The following PHF24 variants were observed in gnomAD, a reference collection of about 807,000 sequenced individuals.
PHF24 encodes the protein Galpha inhibitory interacting protein.
Under a neutral mutation model 42.6 loss-of-function variants are expected in PHF24, and 25 were observed. That is an observed-to-expected ratio of 0.59 (90% CI 0.43 to 0.82). The LOEUF (loss-of-function observed/expected upper bound fraction) is 0.82. Among genes scored for constraint, PHF24 ranks in the 40% least tolerant of loss-of-function variants. PHF24 has a pLI of 0.00. For synonymous variants in PHF24, 185 were observed against 204.8 expected (o/e 0.90, Z 0.83); for missense variants, 470 against 538.1 (o/e 0.87, Z 1.25).
chr9:34,719,239 A>G, the PHF24 span, among the ~76,000 whole-genome samples: 5 of 152,180 alleles, frequency 3.3e-5, no homozygotes, highest in East Asian at 5.8e-4. Context: ...GGGTTTCACT[A>G]CGTTGGCCAG....
the PHF24 span, among the ~76,000 whole-genome samples, chr9:34,774,370 A>G: frequency 5.3e-5 from 8 of 151,118 alleles, no homozygotes; most frequent in African/African-American, 1.5e-4. Flanking sequence ...GCTATCCAGA[A>G]TATATGAAGA....
chr9:34,826,734 C>G, the PHF24 span, among the ~76,000 whole-genome samples: 2 of 35,780 alleles, frequency 5.6e-5, no homozygotes, highest in African/African-American at 1.3e-4. Context: ...AGGTTGGGGC[C>G]ATTCACCATG....
chr9:34,887,927 G>T, the PHF24 span, among the ~76,000 whole-genome samples: 2 of 151,934 alleles, frequency 1.3e-5, no homozygotes, highest in Non-Finnish European at 2.9e-5. Context: ...ATGAAGAATG[G>T]GTGAAAGAAT....
the PHF24 span, chr9:34,917,071 G>C: frequency 1.4e-6 from 1 of 698,294 alleles, no homozygotes; most frequent in Non-Finnish European, 2.6e-6. Context: ...GAAGAGCGGA[G>C]CGTGTGAGCA....
At chr9:34,917,139 C>T in the PHF24 span, 69 of 979,130 alleles carry the variant, frequency 7.0e-5, no homozygotes, top group East Asian at 3.9e-4. Context: ...CTACCTTTAC[C>T]GGCCCGTCTG....
At chr9:34,961,779 CT>C (rs201194761) in intron 1 of PHF24, among the ~76,000 whole-genome samples, 1,552 of 152,294 alleles carry the variant, frequency 0.01, 32 homozygotes, top group African/African-American at 0.036. Context: ...TTTTGCCTTC[CT>C]TATGATAGTA....
the PHF24 span, among the ~76,000 whole-genome samples, chr9:34,874,061 G>C: frequency 2.6e-5 from 4 of 152,272 alleles, no homozygotes; most frequent in South Asian, 8.3e-4. Flanking sequence ...CTGAGACTTT[G>C]CTGAAGTTGC....
chr9:34,872,739 C>A, the PHF24 span, among the ~76,000 whole-genome samples: 1 of 149,810 alleles, frequency 6.7e-6, no homozygotes, highest in African/African-American at 2.5e-5. Context: ...GGATGGCTGG[C>A]TCAAATGGTA....
At chr9:34,716,550 GTTTGTTTTGTTTTGC>G in the PHF24 span, among the ~76,000 whole-genome samples, 1 of 138,186 alleles carries the variant, frequency 7.2e-6, no homozygotes, top group Non-Finnish European at 1.6e-5. Context: ...CTCCTTTTTT[GTTTGTTTTGTTTTGC>G]TTTGTTTTGT....
the PHF24 span, among the ~76,000 whole-genome samples, chr9:34,849,717 C>T: frequency 5.9e-5 from 9 of 152,170 alleles, no homozygotes. Context: ...TACAATTTGG[C>T]ATGATTTTGC....
At chr9:34,823,380 C>G in the PHF24 span, among the ~76,000 whole-genome samples, 1 of 152,112 alleles carries the variant, frequency 6.6e-6, no homozygotes, top group African/African-American at 2.4e-5. Flanking sequence ...CTATCTCACT[C>G]AAAACATCCT....
At chr9:34,942,781 A>G in the PHF24 span, among the ~76,000 whole-genome samples, 917 of 152,186 alleles carry the variant, frequency 6.0e-3, 6 homozygotes, top group African/African-American at 0.021. Flanking sequence ...GTTCTCACTC[A>G]TAGGTGGGAA....
At chr9:34,977,358 T>C in intron 6 of PHF24, 115 bp downstream of exon 6, 1 of 1,333,512 alleles carries the variant, frequency 7.5e-7, no homozygotes, top group Non-Finnish European at 1.0e-6. Context: ...AGGAGCCTCC[T>C]GTGCATTAGG....
At chr9:34,880,451 T>C in the PHF24 span, among the ~76,000 whole-genome samples, 2 of 152,224 alleles carry the variant, frequency 1.3e-5, no homozygotes, top group Admixed American at 1.3e-4. Flanking sequence ...TGTGCTGTAT[T>C]CAGGAAACCC....
At chr9:34,785,212 T>G in the PHF24 span, among the ~76,000 whole-genome samples, 8 of 152,218 alleles carry the variant, frequency 5.3e-5, no homozygotes, top group Non-Finnish European at 1.0e-4. Flanking sequence ...TGCTGTGTGC[T>G]CCAGAAGGGA....
the PHF24 span, among the ~76,000 whole-genome samples, chr9:34,775,138 G>T: frequency 6.6e-6 from 1 of 152,022 alleles, no homozygotes; most frequent in Non-Finnish European, 1.5e-5. Flanking sequence ...ATAACCAAAA[G>T]GTGGAAACAA....
intron 1 of PHF24, among the ~76,000 whole-genome samples, chr9:34,965,955 G>A (rs1826753241): frequency 6.6e-6 from 1 of 152,044 alleles, no homozygotes; most frequent in Non-Finnish European, 1.5e-5. Context: ...CAGACCTTCT[G>A]ATAAACATAA....
chr9:34,764,613 C>A, the PHF24 span, among the ~76,000 whole-genome samples: 3 of 151,946 alleles, frequency 2.0e-5, no homozygotes, highest in African/African-American at 7.3e-5. Flanking sequence ...GTCTTGCTAG[C>A]GGTCTATCAA....
chr9:34,704,608 A>C, the PHF24 span, among the ~76,000 whole-genome samples: 1 of 152,060 alleles, frequency 6.6e-6, no homozygotes, highest in Admixed American at 6.6e-5. Flanking sequence ...CCAAGGTGGG[A>C]GGATCCCTTG....
Sources: allele counts gnomAD v4.1 joint callset (sites outside exome capture counted in the v4.1 genomes callset), GRCh38; gene constraint gnomAD v4.1.1; transcripts MANE v1.5; gene names NCBI Gene and HGNC (gene_info 2026-07-23, HGNC 2026-07-21).